Variants in SHISA9 observed in about 807,000 individuals in gnomAD.
SHISA9 encodes shisa family member 9.
Under a neutral mutation model 38.0 loss-of-function variants are expected in SHISA9, and 13 were observed. That is an observed-to-expected ratio of 0.34 (90% CI 0.22 to 0.54). The LOEUF (loss-of-function observed/expected upper bound fraction) is 0.54. Among genes scored for constraint, SHISA9 ranks in the 20% least tolerant of loss-of-function variants. SHISA9 has a pLI of 0.91. For missense variants in SHISA9, 538 were observed against 575.8 expected (o/e 0.93, Z 0.67); for synonymous variants, 275 against 242.0 (o/e 1.14, Z -1.27).
chr16:13,125,279 T>A (rs2050246589), intron 2 of SHISA9, among the ~76,000 whole-genome samples: 1 of 152,148 alleles, frequency 6.6e-6, no homozygotes, highest in South Asian at 2.1e-4. Context: ...GGAATAAAAC[T>A]AATAATCTCA....
chr16:13,235,295 C>T lies in SHISA9; in HGVS notation c.1161C>T (p.Gly387=). ...GGCGGCAGGCTTACAGCAACAAGGG[C>T]AAGCTTGGCACGGCCGAGACAGGCT... is the stretch of plus-strand genomic sequence containing the variant. ...SLRRQAYSNK[G]KLGTAETGSS... Residue 387 remains glycine (G), a synonymous_variant, in exon 5 of 5, where the codon GGC becomes GGT. Transcript: ENST00000558583. The T allele has an allele frequency of 6.4e-7, 1 of 1,551,302 alleles. No individual in the cohort carries two copies. Among genetic ancestry groups the T allele is most frequent in the Non-Finnish European group, 8.7e-7 (1 of 1,147,024 alleles).
chr16:13,241,719 T>A (rs1383018344), downstream of SHISA9, among the ~76,000 whole-genome samples: 2 of 152,124 alleles, frequency 1.3e-5, no homozygotes, highest in Non-Finnish European at 2.9e-5. Flanking sequence ...AAGGGGAGAT[T>A]TGCAGTCAGG....
At chr16:13,272,049 C>T in the SHISA9 span, among the ~76,000 whole-genome samples, 1 of 142,604 alleles carries the variant, frequency 7.0e-6, no homozygotes, top group Non-Finnish European at 1.5e-5. Context: ...ACAGCCTGGG[C>T]GATAAGAGAA....
the SHISA9 span, among the ~76,000 whole-genome samples, chr16:13,355,394 T>G: frequency 6.6e-6 from 1 of 151,274 alleles, no homozygotes; most frequent in African/African-American, 2.4e-5. Flanking sequence ...GGAGTAGAGG[T>G]ATCTTATACT....
intron 2 of SHISA9, among the ~76,000 whole-genome samples, chr16:13,097,810 GAAGT>G (rs1403256164): frequency 6.6e-6 from 1 of 152,140 alleles, no homozygotes; most frequent in African/African-American, 2.4e-5. Flanking sequence ...ATGAGTTTTA[GAAGT>G]AAGTACAGTA....
rs759908367 is a variant in SHISA9, at chr16:13,003,859, AAATAATAAT to A, written c.691+87068_691+87076del. Among the ~76,000 whole-genome samples, 1,226 of 140,696 alleles carry A rather than the reference AAATAATAAT, an allele frequency of 8.7e-3. 26 individuals are homozygous for A. Among genetic ancestry groups the A allele is most frequent in the African/African-American group, 0.035 (1,160 of 33,566 alleles). The allele number at this position is 140,696 out of a possible 152,430, so 92.3% of individuals were successfully genotyped here. A position where few individuals can be genotyped will look rare whatever the true frequency, so the allele number is the denominator to read the frequency against. The stretch of plus-strand genomic sequence containing the variant: ...GACGACAGAGCGAGACTCCGTCTCA[AAATAATAAT>A]AATAATAATAATAATAATAATAAGA... On this transcript the variant is annotated intron_variant, in intron 2 of 4. Transcript: ENST00000558583.
chr16:13,362,888 C>A, the SHISA9 span, among the ~76,000 whole-genome samples: 1 of 152,172 alleles, frequency 6.6e-6, no homozygotes, highest in Non-Finnish European at 1.5e-5. Context: ...CCCCAAGTGA[C>A]TTCTCAAGGG....
chr16:13,557,428 G>C, the SHISA9 span, among the ~76,000 whole-genome samples: 3 of 152,180 alleles, frequency 2.0e-5, no homozygotes, highest in Non-Finnish European at 4.4e-5. Flanking sequence ...GCTCAGCCTG[G>C]TGAATAACAG....
intron 2 of SHISA9, among the ~76,000 whole-genome samples, chr16:13,003,884 A>AATG (rs1257337306): frequency 7.3e-5 from 10 of 137,886 alleles, no homozygotes; most frequent in African/African-American, 2.6e-4. Flanking sequence ...TAATAATAAT[A>AATG]ATAATAAGAA....
the SHISA9 span, among the ~76,000 whole-genome samples, chr16:13,435,203 G>A: frequency 2.6e-5 from 4 of 151,418 alleles, no homozygotes; most frequent in African/African-American, 7.3e-5. Context: ...TCCCTGAAAG[G>A]ATAGATGTAC....
chr16:13,191,005 G>C (rs1206994444), intron 2 of SHISA9, among the ~76,000 whole-genome samples: 2 of 151,736 alleles, frequency 1.3e-5, no homozygotes, highest in African/African-American at 2.4e-5. Context: ...TCTGATGTAA[G>C]CCTAGGCTGC....
the SHISA9 span, among the ~76,000 whole-genome samples, chr16:13,485,205 C>A: frequency 6.6e-6 from 1 of 152,044 alleles, no homozygotes; most frequent in Non-Finnish European, 1.5e-5. Flanking sequence ...CCGCACCCCC[C>A]GACAGGCCCT....
chr16:13,055,231 G>C (rs1281122763), intron 2 of SHISA9, among the ~76,000 whole-genome samples: 2 of 152,184 alleles, frequency 1.3e-5, no homozygotes, highest in Non-Finnish European at 2.9e-5. Context: ...CTGAGTCACA[G>C]AGAAAGTAAG....
chr16:13,360,739 C>A, the SHISA9 span, among the ~76,000 whole-genome samples: 4,214 of 152,188 alleles, frequency 0.028, 93 homozygotes, highest in African/African-American at 0.059. Context: ...TAGGTGGAGC[C>A]GAGGAGCTTA....
the SHISA9 span, among the ~76,000 whole-genome samples, chr16:13,446,624 A>C: frequency 5.9e-5 from 9 of 152,066 alleles, no homozygotes; most frequent in Non-Finnish European, 1.2e-4. Context: ...TGGCAAGGCA[A>C]CTTGTTGAGA....
intron 2 of SHISA9, among the ~76,000 whole-genome samples, chr16:12,938,586 C>T (rs1205574647): frequency 2.0e-5 from 3 of 152,072 alleles, no homozygotes; most frequent in Non-Finnish European, 2.9e-5. Flanking sequence ...CAACCTTTGC[C>T]TCCCAGGTTC....
chr16:13,198,417 C>T (rs1383189657), intron 2 of SHISA9, among the ~76,000 whole-genome samples: 1 of 152,096 alleles, frequency 6.6e-6, no homozygotes, highest in East Asian at 1.9e-4. Flanking sequence ...CATATGCATA[C>T]ATACATATAT....
the SHISA9 span, among the ~76,000 whole-genome samples, chr16:13,345,395 C>T: frequency 6.6e-6 from 1 of 152,030 alleles, no homozygotes; most frequent in Non-Finnish European, 1.5e-5. Flanking sequence ...CTAAGGATAC[C>T]GGCTTCCAGC....
the SHISA9 span, among the ~76,000 whole-genome samples, chr16:13,555,521 A>T: frequency 6.6e-6 from 1 of 152,218 alleles, no homozygotes; most frequent in African/African-American, 2.4e-5. Flanking sequence ...ATGAACAAGC[A>T]ATCGAATTGG....
Sources: gnomAD v4.1 joint callset for allele counts (sites outside exome capture counted in the v4.1 genomes callset) on GRCh38, gnomAD v4.1.1 for gene constraint, MANE v1.5 for transcripts, NCBI Gene and HGNC (gene_info 2026-07-23, HGNC 2026-07-21) for gene names.